Variants in OR2L13 observed in about 807,000 individuals in gnomAD.
OR2L13 encodes the protein olfactory receptor 2L13.
Under a neutral mutation model 15.3 loss-of-function variants are expected in OR2L13, and 14 were observed. The ratio of observed to expected loss-of-function variants is 0.91; its 90% CI spans 0.60 to 1.43. The LOEUF (loss-of-function observed/expected upper bound fraction) is 1.43. OR2L13 is among the 40% of genes most tolerant of loss of function. OR2L13 has a pLI of 0.00. For synonymous variants in OR2L13, 152 were observed against 142.9 expected, an observed-to-expected ratio of 1.06 and a Z score of -0.45; for missense variants, 367 against 387.9, an observed-to-expected ratio of 0.95 and a Z score of 0.45.
At chr1:248,044,654 T>G in the OR2L13 span, among the ~76,000 whole-genome samples, 6 of 114,106 alleles carry the variant, frequency 5.3e-5, 2 homozygotes, top group East Asian at 1.5e-3. Context: ...ATACAAAAAA[T>G]TAGCCGGGCG....
the OR2L13 span, chr1:248,062,705 A>G: frequency 2.0e-5 from 3 of 152,198 alleles, no homozygotes; most frequent in African/African-American, 7.2e-5. Flanking sequence ...AATTTATTGT[A>G]TGTATTAAAG....
chr1:248,011,050 T>C, the OR2L13 span, among the ~76,000 whole-genome samples: 3 of 152,134 alleles, frequency 2.0e-5, no homozygotes, highest in African/African-American at 7.2e-5. Context: ...ATAGTGTCGA[T>C]GGTCTTTACA....
chr1:248,040,125 C>T, the OR2L13 span: 1 of 152,242 alleles, frequency 6.6e-6, no homozygotes, highest in Non-Finnish European at 1.5e-5. Context: ...TTTCCACTTA[C>T]TCTTCTCATA....
chr1:247,990,212 A>T, the OR2L13 span: 1 of 660,248 alleles, frequency 1.5e-6, no homozygotes, highest in Non-Finnish European at 2.7e-6. Context: ...AGGGGGAACT[A>T]CTGTACTTCA....
the OR2L13 span, among the ~76,000 whole-genome samples, chr1:248,004,969 T>C: frequency 6.6e-6 from 1 of 151,978 alleles, no homozygotes; most frequent in Non-Finnish European, 1.5e-5. Context: ...TTTTTAAAAA[T>C]GGAACCAGTG....
At chr1:248,080,965 C>G in the OR2L13 span, among the ~76,000 whole-genome samples, 1 of 152,170 alleles carries the variant, frequency 6.6e-6, no homozygotes, top group Non-Finnish European at 1.5e-5. Context: ...TTCTACCATT[C>G]ATGGGCTTGT....
the OR2L13 span, among the ~76,000 whole-genome samples, chr1:248,036,373 T>A: frequency 6.6e-6 from 1 of 152,228 alleles, no homozygotes; most frequent in Non-Finnish European, 1.5e-5. Context: ...TGCATATAGC[T>A]AATGATATTT....
chr1:247,940,904 ACAT>A, the OR2L13 span, among the ~76,000 whole-genome samples: 1 of 152,066 alleles, frequency 6.6e-6, no homozygotes, highest in African/African-American at 2.4e-5. Context: ...AGCTTCATCA[ACAT>A]CTGTGCTTTT....
At chr1:247,990,574 T>A in the OR2L13 span, 1 of 1,562,984 alleles carries the variant, frequency 6.4e-7, no homozygotes, top group African/African-American at 1.4e-5. Context: ...GAGTTTCTTC[T>A]TCCTGACTTT....
chr1:248,090,302 T>G (rs1664564552), upstream of OR2L13, among the ~76,000 whole-genome samples: 1 of 151,192 alleles, frequency 6.6e-6, no homozygotes, highest in Non-Finnish European at 1.5e-5. Flanking sequence ...TAGTATGTTT[T>G]TTAATTTCTA....
the OR2L13 span, among the ~76,000 whole-genome samples, chr1:248,029,508 A>G: frequency 6.6e-6 from 1 of 152,190 alleles, no homozygotes; most frequent in Non-Finnish European, 1.5e-5. Context: ...ACATTTTATT[A>G]TCTGTTTTAA....
chr1:248,009,652 A>T, the OR2L13 span, among the ~76,000 whole-genome samples: 1 of 151,900 alleles, frequency 6.6e-6, no homozygotes, highest in Non-Finnish European at 1.5e-5. Flanking sequence ...AAAAAGAGGG[A>T]CCCCTCCCTT....
exon 3 of OR2L13, chr1:248,100,368 C>T (rs897378664): frequency 4.9e-5 from 52 of 1,052,900 alleles, no homozygotes; most frequent in South Asian, 1.2e-4. Context: ...GATTCCAACA[C>T]GCTAGAGCAG....
the OR2L13 span, among the ~76,000 whole-genome samples, chr1:248,074,470 C>T: frequency 6.6e-6 from 1 of 151,932 alleles, no homozygotes; most frequent in African/African-American, 2.4e-5. Flanking sequence ...CAAAAGGCTT[C>T]TAGAACTGAT....
chr1:248,032,431 G>A, the OR2L13 span, among the ~76,000 whole-genome samples: 1 of 151,840 alleles, frequency 6.6e-6, no homozygotes. Context: ...ATATTGTTCT[G>A]CAACCATCCC....
At chr1:247,951,539 C>G in the OR2L13 span, among the ~76,000 whole-genome samples, 3 of 152,154 alleles carry the variant, frequency 2.0e-5, no homozygotes, top group East Asian at 1.9e-4. Flanking sequence ...TTGAAATGCT[C>G]TTTAACATCA....
the OR2L13 span, among the ~76,000 whole-genome samples, chr1:247,956,386 C>T: frequency 6.6e-6 from 1 of 151,528 alleles, no homozygotes; most frequent in African/African-American, 2.4e-5. Context: ...GTGATGCCTC[C>T]AGCTTTGTTC....
the OR2L13 span, chr1:247,938,848 C>G: frequency 6.6e-6 from 1 of 152,204 alleles, no homozygotes; most frequent in South Asian, 2.1e-4. Flanking sequence ...TAAAGCCTAT[C>G]ACAATCTAAA....
At chr1:248,059,899 G>A in the OR2L13 span, among the ~76,000 whole-genome samples, 2 of 152,038 alleles carry the variant, frequency 1.3e-5, no homozygotes, top group African/African-American at 4.8e-5. Flanking sequence ...AGTTAACTAG[G>A]TATGGTGGCT....
Sources: gnomAD v4.1 joint callset for allele counts (sites outside exome capture counted in the v4.1 genomes callset) on GRCh38, gnomAD v4.1.1 for gene constraint, MANE v1.5 for transcripts, NCBI Gene and HGNC (gene_info 2026-07-23, HGNC 2026-07-21) for gene names.